Variants in ROBO1 observed in about 807,000 individuals in gnomAD.
The protein encoded by ROBO1 is roundabout guidance receptor 1.
In ROBO1, 149 loss-of-function variants were observed where a neutral mutation model predicts 195.9. That is an observed-to-expected ratio of 0.76 (90% CI 0.67 to 0.87). The LOEUF (loss-of-function observed/expected upper bound fraction) is 0.87. Among genes scored for constraint, ROBO1 ranks in the 40% least tolerant of loss-of-function variants. ROBO1 has a pLI of 0.00. For synonymous variants in ROBO1, 816 were observed against 733.2 expected, an observed-to-expected ratio of 1.11 and a Z score of -1.82; for missense variants, 1,933 against 2,068.3, an observed-to-expected ratio of 0.93 and a Z score of 1.27.
chr3:79,265,024 T>C (rs1352607525), intron 2 of ROBO1, among the ~76,000 whole-genome samples: 1 of 152,022 alleles, frequency 6.6e-6, no homozygotes, highest in East Asian at 1.9e-4. Context: ...CAGAACACTT[T>C]GGTTTGAATC....
chr3:79,542,433 G>C (rs181407662), intron 2 of ROBO1, among the ~76,000 whole-genome samples: 1 of 152,048 alleles, frequency 6.6e-6, no homozygotes, highest in Admixed American at 6.6e-5. Context: ...TATTTTTTCA[G>C]AAATGCATTA....
intron 2 of ROBO1, among the ~76,000 whole-genome samples, chr3:79,535,479 C>A (rs1378000213): frequency 1.3e-5 from 2 of 152,134 alleles, no homozygotes; most frequent in Non-Finnish European, 2.9e-5. Context: ...ATGTGGTAGG[C>A]ACTGCTAGTG....
chr3:79,712,939 T>A (rs188721594), intron 1 of ROBO1, among the ~76,000 whole-genome samples: 28 of 152,186 alleles, frequency 1.8e-4, no homozygotes, highest in Non-Finnish European at 3.7e-4. Flanking sequence ...GTATTTTTTT[T>A]ATTGTACTTT....
intron 3 of ROBO1, among the ~76,000 whole-genome samples, chr3:79,051,113 T>A (rs1368254268): frequency 6.6e-6 from 1 of 151,808 alleles, no homozygotes; most frequent in African/African-American, 2.4e-5. Flanking sequence ...AATCAATGAA[T>A]CCAGGAACTG....
chr3:78,662,996 G>A (rs1707520155), intron 14 of ROBO1, among the ~76,000 whole-genome samples: 1 of 152,034 alleles, frequency 6.6e-6, no homozygotes, highest in Non-Finnish European at 1.5e-5. Context: ...GGGAATACAT[G>A]GGAGGAAGTG....
intron 2 of ROBO1, among the ~76,000 whole-genome samples, chr3:79,306,683 C>T (rs1269946658): frequency 6.6e-6 from 1 of 152,170 alleles, no homozygotes; most frequent in Non-Finnish European, 1.5e-5. Context: ...CAACATATTT[C>T]ATCTATATGA....
At chr3:79,472,121 A>G (rs1467787060) in intron 2 of ROBO1, among the ~76,000 whole-genome samples, 1 of 152,126 alleles carries the variant, frequency 6.6e-6, no homozygotes, top group African/African-American at 2.4e-5. Context: ...TTATCCAGGA[A>G]GAAACACTGA....
intron 26 of ROBO1, among the ~76,000 whole-genome samples, chr3:78,620,428 T>C (rs1321689914): frequency 6.6e-6 from 1 of 151,874 alleles, no homozygotes; most frequent in Non-Finnish European, 1.5e-5. Flanking sequence ...AGGAGAATTG[T>C]TCCAACCCGG....
At chr3:79,020,675 C>G (rs1397441011) in intron 3 of ROBO1, among the ~76,000 whole-genome samples, 1 of 152,204 alleles carries the variant, frequency 6.6e-6, no homozygotes, top group Admixed American at 6.5e-5. Flanking sequence ...GCCTGGGCGA[C>G]AGAGCGAGAC....
intron 3 of ROBO1, among the ~76,000 whole-genome samples, chr3:79,013,985 A>G (rs2077855004): frequency 1.3e-5 from 2 of 152,196 alleles, no homozygotes; most frequent in African/African-American, 2.4e-5. Flanking sequence ...TCAGTCTTCT[A>G]TATACATTGA....
intron 2 of ROBO1, among the ~76,000 whole-genome samples, chr3:79,510,787 T>C: frequency 6.6e-6 from 1 of 152,066 alleles, no homozygotes; most frequent in Non-Finnish European, 1.5e-5. Flanking sequence ...GATTCCAAGA[T>C]TTGGGGGATA....
intron 3 of ROBO1, among the ~76,000 whole-genome samples, chr3:79,054,548 G>T (rs2078766677): frequency 6.6e-6 from 1 of 152,076 alleles, no homozygotes; most frequent in Non-Finnish European, 1.5e-5. Context: ...GAGCTATTCT[G>T]TGGGCATGGG....
intron 1 of ROBO1, among the ~76,000 whole-genome samples, chr3:79,688,776 C>A (rs922555482): frequency 1.3e-5 from 2 of 151,886 alleles, no homozygotes; most frequent in Non-Finnish European, 2.9e-5. Flanking sequence ...TCCCAGAGTC[C>A]TAAAATTCAA....
chr3:79,696,849 C>T (rs901093855), intron 1 of ROBO1, among the ~76,000 whole-genome samples: 3 of 151,406 alleles, frequency 2.0e-5, no homozygotes, highest in African/African-American at 7.3e-5. Context: ...TCAATATCAC[C>T]TTCTAATGTA....
chr3:79,730,037 T>C lies in ROBO1; in HGVS notation c.-51+37715A>G, dbSNP rs925074645. ...TAATTATATTGCAAATTAACAAGCA[T>C]TCACCTGTGTATTATCCCCATTGAT... On this transcript the variant is annotated intron_variant, in intron 1 of 30. Coordinates refer to ENST00000464233, the MANE Select transcript of ROBO1 (RefSeq NM_002941.4). Among the ~76,000 whole-genome samples the C allele has an allele frequency of 5.3e-5, 8 of 152,204 alleles. No individual in the cohort carries two copies. In the East Asian group the frequency reaches 1.5e-3, roughly 29 times the overall value.
intron 3 of ROBO1, among the ~76,000 whole-genome samples, chr3:79,042,201 C>T (rs2078499905): frequency 6.6e-6 from 1 of 152,138 alleles, no homozygotes; most frequent in Non-Finnish European, 1.5e-5. Context: ...TTCATTTGTT[C>T]ATTCATTCAA....
intron 2 of ROBO1, among the ~76,000 whole-genome samples, chr3:79,479,351 C>A (rs894917625): frequency 6.6e-6 from 1 of 152,118 alleles, no homozygotes; most frequent in Admixed American, 6.5e-5. Context: ...CCCTCGCATG[C>A]GCACTTCACA....
chr3:79,375,428 T>A (rs1248538506), intron 2 of ROBO1, among the ~76,000 whole-genome samples: 1 of 152,038 alleles, frequency 6.6e-6, no homozygotes, highest in Non-Finnish European at 1.5e-5. Context: ...GACAGAGGAG[T>A]GGACATCCAT....
At chr3:79,341,286 G>A (rs1343981311) in intron 2 of ROBO1, among the ~76,000 whole-genome samples, 1 of 151,956 alleles carries the variant, frequency 6.6e-6, no homozygotes, top group African/African-American at 2.4e-5. Context: ...AGACATATGA[G>A]ATATGATTAT....
Sources: gnomAD v4.1 joint callset for allele counts (sites outside exome capture counted in the v4.1 genomes callset) on GRCh38, gnomAD v4.1.1 for gene constraint, MANE v1.5 for transcripts, NCBI Gene and HGNC (gene_info 2026-07-23, HGNC 2026-07-21) for gene names.